Variants in DNAH2 observed in about 807,000 individuals in gnomAD.
DNAH2 encodes the protein dynein axonemal heavy chain 2.
In DNAH2, 323 loss-of-function variants were observed where a neutral mutation model predicts 523.5. The ratio of observed to expected loss-of-function variants is 0.62; its 90% confidence interval spans 0.56 to 0.68. The LOEUF is 0.68. Ranked by LOEUF, DNAH2 falls within the 30% of genes least tolerant of loss-of-function variation. The pLI, the probability that DNAH2 is intolerant of heterozygous loss-of-function variation, is 0.00. For synonymous variants in DNAH2, 2,093 were observed against 2,177.4 expected, an observed-to-expected ratio of 0.96 and a Z score of 1.08; for missense variants, 4,907 against 5,701.5, an observed-to-expected ratio of 0.86 and a Z score of 4.49.
At chr17:7,777,296 G>C (rs2076482407) in intron 32 of DNAH2, 150 bp from the exon 33 acceptor site, 2 of 828,994 alleles carry the variant, frequency 2.4e-6, no homozygotes, top group Admixed American at 2.2e-5. Flanking sequence ...GAAGTCCAGT[G>C]GGGGCAGTCC....
At chr17:7,741,305 C>A (rs1345781031) in intron 11 of DNAH2, among the ~76,000 whole-genome samples, 1 of 38,484 alleles carries the variant, frequency 2.6e-5, no homozygotes. Context: ...TTCCTTCCTT[C>A]CCTCCCTCCC....
At chr17:7,737,039 T>C in intron 7 of DNAH2, 28 bp from the exon 8 acceptor site, 1 of 1,595,970 alleles carries the variant, frequency 6.3e-7, no homozygotes, top group Non-Finnish European at 8.6e-7. Flanking sequence ...AGTGCATAAA[T>C]CTATTTCTCA....
chr17:7,770,907 G>T lies in DNAH2; in HGVS notation c.4336G>T (p.Val1446Leu), dbSNP rs748619976. ...GGAGGTTATTGAGATGATTCTCACA[G>T]TGCAGCGTCAGTGGATGTACTTAGA... is the stretch of plus-strand genomic sequence containing the variant. The part of the protein sequence containing the change: ...ILEVIEMILT[V>L]QRQWMYLENI... The change falls in exon 27 of 86, where the codon GTG becomes TTG. Residue 1446 changes from valine (V) to leucine (L), a missense_variant. By Grantham distance (32) the Val-to-Leu change is conservative (BLOSUM62 1). This residue lies in a region of DNAH2 where 2,806 missense variants were observed against 3,190.8 expected (regional missense o/e 0.88). Coordinates refer to ENST00000572933, the MANE Select transcript of DNAH2 (RefSeq NM_020877.5). The T allele has an allele frequency of 3.7e-5, 60 of 1,613,900 alleles. No homozygotes were observed. The highest frequency in any genetic ancestry group is 5.0e-5 in the Non-Finnish European group (59 of 1,180,046).
chr17:7,800,257 G>C (rs1234311369), intron 56 of DNAH2, among the ~76,000 whole-genome samples: 1 of 152,082 alleles, frequency 6.6e-6, no homozygotes, highest in Non-Finnish European at 1.5e-5. Flanking sequence ...CACCATGTTG[G>C]TCTGGCTGAT....
chr17:7,734,108 C>A, intron 5 of DNAH2, 75 bp from the exon 6 acceptor site: 1 of 1,315,982 alleles, frequency 7.6e-7, no homozygotes, highest in South Asian at 1.4e-5. Context: ...CCCTACCGAT[C>A]ATCAACCGTG....
chr17:7,734,136 A>G (rs938681546), intron 5 of DNAH2, 47 bp from the exon 6 acceptor site: 2 of 1,518,926 alleles, frequency 1.3e-6, no homozygotes, highest in African/African-American at 2.8e-5. Flanking sequence ...CGGGGCCAGC[A>G]AGAACTCATC....
At position 7,778,454 on chromosome 17, in the gene DNAH2, C is replaced by A; in HGVS notation, c.5526C>A (p.Tyr1842Ter). Residue 1842 changes from tyrosine to a stop codon, truncating the protein, a stop_gained, in exon 35 of 86, where the codon TAC becomes TAA. Coordinates refer to ENST00000572933, the MANE Select transcript of DNAH2 (RefSeq NM_020877.5). LOFTEE classifies it high-confidence loss of function. ...GLDYKSMGRM[Y>*]SGLAQTGAWG... ...ACTACAAGTCCATGGGCCGAATGTACTCAGGTCTGGCCCAGGTCAGTATCC... is the reference window on the plus strand; with the variant it reads ...ACTACAAGTCCATGGGCCGAATGTAATCAGGTCTGGCCCAGGTCAGTATCC... 6.2e-7 allele frequency: 1 copy of A among 1,613,940 alleles called. No individual in the cohort carries two copies. Among genetic ancestry groups the A allele is most frequent in the East Asian group, 2.2e-5 (1 of 44,880 alleles).
At position 7,787,283 on chromosome 17, in the gene DNAH2, G is replaced by C. The variant is rs113160523; in HGVS notation, c.6603+250G>C. The C allele has an allele frequency of 4.7e-5, 26 of 556,546 alleles. 1 individual carries two copies. The South Asian group carries it at 6.6e-4, about 14-fold the overall frequency. 34.5% of individuals were successfully genotyped at this position (556,546 alleles called of 1,614,324 possible). ...TGTGTAGGCTTGGGCGGCCCTCCTCGGCTCGTTCTCACGGATGCATGAGGC... is the reference window on the plus strand; with the variant it reads ...TGTGTAGGCTTGGGCGGCCCTCCTCCGCTCGTTCTCACGGATGCATGAGGC... On this transcript the variant is annotated intron_variant, in intron 42 of 85. Coordinates refer to ENST00000572933, the MANE Select transcript of DNAH2 (RefSeq NM_020877.5).
At chr17:7,739,272 G>A (rs1412473799) in intron 8 of DNAH2, among the ~76,000 whole-genome samples, 1 of 152,176 alleles carries the variant, frequency 6.6e-6, no homozygotes, top group Non-Finnish European at 1.5e-5. Flanking sequence ...CGGGCCTGGT[G>A]GTGCATACCT....
rs762566850 is a variant in DNAH2, at chr17:7,781,051, C to T, written c.6013C>T (p.Leu2005Phe). The T allele has an allele frequency of 1.2e-6, 2 of 1,614,166 alleles. No individual in the cohort carries two copies. The highest frequency in any genetic ancestry group is 4.5e-5 in the East Asian group (2 of 44,892). The change falls in exon 39 of 86, where the codon CTC (leucine) becomes TTC (phenylalanine). Residue 2005 changes from leucine (L) to phenylalanine (F), a missense_variant. By Grantham distance (22) the Leu-to-Phe change is conservative. Transcript: ENST00000572933. The part of the protein sequence containing the change: ...PDLTDEEVLL[L>F]SMRDMNIAKL... ...GTCTTTTCCCATTCAGGTTCTGCTG[C>T]TCTCAATGAGAGATATGAACATCGC...
At chr17:7,770,516 A>G in intron 25 of DNAH2, 41 bp from the exon 26 acceptor site, 1 of 1,611,674 alleles carries the variant, frequency 6.2e-7, no homozygotes, top group Non-Finnish European at 8.5e-7. Context: ...CCCTTAGTGA[A>G]GAGATACCTG....
In DNAH2 at chr17:7,742,500, G is replaced by C; in HGVS notation, c.1690-428G>C. Among the ~76,000 whole-genome samples, 2 of 152,176 alleles carry C rather than the reference G, an allele frequency of 1.3e-5. 1 individual carries two copies. Among genetic ancestry groups the C allele is most frequent in the East Asian group, 3.9e-4 (2 of 5,182 alleles). On this transcript the variant is annotated intron_variant, in intron 11 of 85. Transcript: ENST00000572933. ...AAAGGTTGAAAGCTGTTGAGGTAGTGACCTGCCATCATGCAGCTGGTGCTG... is the reference window on the plus strand; with the variant it reads ...AAAGGTTGAAAGCTGTTGAGGTAGTCACCTGCCATCATGCAGCTGGTGCTG...
In DNAH2 at chr17:7,832,627, A is replaced by G. The variant is rs746108811; in HGVS notation, c.12775A>G (p.Met4259Val). 6.2e-7 allele frequency: 1 copy of G among 1,614,022 alleles called. No homozygotes were observed. The highest frequency in any genetic ancestry group is 1.7e-5 in the Admixed American group (1 of 59,998). ...PLAAWTRDLA[M>V]RVEQFELWAS... ...GGCTGCCTGGACCCGGGACTTGGCCATGCGTGTGGAGCAGTTTGAGCTGTG... is the reference window on the plus strand; with the variant it reads ...GGCTGCCTGGACCCGGGACTTGGCCGTGCGTGTGGAGCAGTTTGAGCTGTG... The change falls in exon 83 of 86, where the codon ATG becomes GTG. Residue 4259 changes from methionine to valine, a missense_variant. Physicochemically the swap from Met to Val is conservative, Grantham distance 21. Transcript: ENST00000572933. This position sits in a 1 kb window ranked among gnomAD's most constrained non-coding sequence, Gnocchi z 4.3.
chr17:7,793,536 T>TTTC (rs2076979189), intron 48 of DNAH2, among the ~76,000 whole-genome samples: 2 of 130,384 alleles, frequency 1.5e-5, no homozygotes, highest in African/African-American at 2.6e-5. Flanking sequence ...CTTTCTTTCT[T>TTTC]TTTCTTTCTT....
In DNAH2 at chr17:7,792,071, T is replaced by C; in HGVS notation, c.7053+2T>C. On this transcript the variant is annotated splice_donor_variant, in intron 45 of 85. Transcript: ENST00000572933. LOFTEE classifies it high-confidence loss of function. ...ATCGAGGGCTCCTTTCCCAATAAGG[T>C]TGGGCGCACACCTGGCTGTCCTATT... 5 of 1,612,444 alleles carry C rather than the reference T, an allele frequency of 3.1e-6. No homozygotes were observed. The highest frequency in any genetic ancestry group is 3.4e-6 in the Non-Finnish European group (4 of 1,179,602).
chr17:7,755,984 C>T (rs528596791), intron 12 of DNAH2, among the ~76,000 whole-genome samples: 6 of 152,022 alleles, frequency 3.9e-5, no homozygotes, highest in Non-Finnish European at 7.4e-5. Context: ...TGCCTGTAAT[C>T]CCAGCACTTT....
At chr17:7,794,104 G>A (rs1207231657) in intron 48 of DNAH2, 150 bp from the exon 49 acceptor site, 1 of 510,820 alleles carries the variant, frequency 2.0e-6, no homozygotes, top group Non-Finnish European at 3.4e-6. Context: ...ACCACTCCAT[G>A]TTCCTCTCAA....
chr17:7,807,421 G>A lies in DNAH2; in HGVS notation c.9613-49G>A, dbSNP rs1203740456. The A allele has an allele frequency of 3.1e-6, 5 of 1,607,930 alleles. No individual in the cohort carries two copies. The South Asian group carries it at 3.3e-5, about 11-fold the overall frequency. ...AGGAGGGGATGCCTGGAGGTGAGGG[G>A]GTTGGTGGGTTGGTGGGCGACTCCC... On this transcript the variant is annotated intron_variant, in intron 62 of 85. Coordinates refer to ENST00000572933, the MANE Select transcript of DNAH2 (RefSeq NM_020877.5). The surrounding 1 kb of genome is among the most constrained non-coding windows in gnomAD (Gnocchi z 5.6).
chr17:7,774,655 T>A, intron 28 of DNAH2, 104 bp from the exon 29 acceptor site: 1 of 967,236 alleles, frequency 1.0e-6, no homozygotes, highest in Non-Finnish European at 1.6e-6. Context: ...TGGCAGTCTG[T>A]GCCCCACTGT....
Sources: gnomAD v4.1 joint callset for allele counts (sites outside exome capture counted in the v4.1 genomes callset) on GRCh38, gnomAD v4.1.1 for gene constraint, gnomAD v4.1.1 regional missense constraint, Gnocchi (gnomAD v3.1) non-coding constraint, MANE v1.5 for transcripts, NCBI Gene and HGNC (gene_info 2026-07-23, HGNC 2026-07-21) for gene names.